Variants in FNDC5 observed in about 807,000 individuals in gnomAD.
FNDC5 encodes fibronectin type III domain containing 5.
A neutral mutation model predicts 24.6 loss-of-function variants in FNDC5; 10 were observed. That is an observed-to-expected ratio of 0.41 (90% CI 0.25 to 0.69). The LOEUF is 0.69. Among genes scored for constraint, FNDC5 ranks in the 30% least tolerant of loss-of-function variants. The pLI is 0.34. For missense variants in FNDC5, 226 were observed against 282.9 expected (o/e 0.80, Z 1.44); for synonymous variants, 90 against 110.7 (o/e 0.81, Z 1.18).
chr1:32,864,220 C>A lies in FNDC5; in HGVS notation c.*74G>T. 6.2e-7 allele frequency: 1 copy of A among 1,613,846 alleles called. No homozygotes were observed. The highest frequency in any genetic ancestry group is 8.5e-7 in the Non-Finnish European group (1 of 1,179,838). ...CAGATGTTTGTTGGATAATCATCAT[C>A]AGAACCATGAGATCCTCTCACATTC... On this transcript the variant is annotated 3_prime_UTR_variant, in exon 6 of 6. Transcript: ENST00000373471.
At chr1:32,870,037 A>T (rs1641147957) in intron 1 of FNDC5, among the ~76,000 whole-genome samples, 1 of 151,968 alleles carries the variant, frequency 6.6e-6, no homozygotes, top group Non-Finnish European at 1.5e-5. Flanking sequence ...GCTGCGAGAG[A>T]GCGCTCCCCG....
intron 4 of FNDC5, among the ~76,000 whole-genome samples, chr1:32,866,444 T>C (rs1490893916): frequency 6.6e-6 from 1 of 152,208 alleles, no homozygotes; most frequent in Non-Finnish European, 1.5e-5. Context: ...CCCCACGTTC[T>C]ACCTTCTTTC....
Position 32,864,132 on chromosome 1 carries a change from G to C in FNDC5, c.*162C>G. ...TTAATAAGAGGCTTCAGGAAAGTGC[G>C]CCAGAGAGAGGACAGTAAGCCAGAG... On this transcript the variant is annotated 3_prime_UTR_variant, in exon 6 of 6. Transcript: ENST00000373471. 6.5e-7 allele frequency: 1 copy of C among 1,540,816 alleles called. No homozygotes were observed. Among genetic ancestry groups the C allele is most frequent in the Non-Finnish European group, 8.7e-7 (1 of 1,144,688 alleles).
At position 32,870,831 on chromosome 1, in the gene FNDC5, C is replaced by CG. The variant is rs1641170100; in HGVS notation, c.-86_-85insC. 2 of 416,790 alleles carry CG rather than the reference C, an allele frequency of 4.8e-6. No homozygotes were observed. The highest frequency in any genetic ancestry group is 4.4e-5 in the African/African-American group (2 of 45,044). The allele number at this position is 416,790 out of a possible 1,614,324, so 25.8% of individuals were successfully genotyped here. A position where few individuals can be genotyped will look rare whatever the true frequency, so the allele number is the denominator to read the frequency against. On this transcript the variant is annotated 5_prime_UTR_variant, in exon 1 of 6. Transcript: ENST00000373471. ...GCGGCCGCTCGCGCTCGCGCTCCGG[C>CG]CCCCGGCCCGGCCGGCCCGGCCGCT... is the stretch of plus-strand genomic sequence containing the variant.
upstream of FNDC5, among the ~76,000 whole-genome samples, chr1:32,872,125 G>A (rs1004000578): frequency 2.0e-5 from 3 of 152,228 alleles, no homozygotes; most frequent in Non-Finnish European, 4.4e-5. Context: ...CATTAAGGAA[G>A]TGAGGTCTAC....
At chr1:32,871,991 C>A (rs757704807), upstream of FNDC5, among the ~76,000 whole-genome samples, 28 of 152,172 alleles carry the variant, frequency 1.8e-4, no homozygotes, top group Admixed American at 3.9e-4. Context: ...GCGGGGCATT[C>A]CTTTGGGTCT....
Position 32,868,477 on chromosome 1 carries a change from C to T in FNDC5, c.211-89G>A. On this transcript the variant is annotated intron_variant, in intron 2 of 5. Coordinates refer to ENST00000373471, the MANE Select transcript of FNDC5 (RefSeq NM_153756.3). The surrounding 1 kb of genome is among the most constrained non-coding windows in gnomAD (Gnocchi z 4.8). The stretch of plus-strand genomic sequence containing the variant: ...CCAGTGGTGACAAAGCCTTTACATA[C>T]ACAATCTTCATCATTCCATCACCTC... 2 of 1,321,582 alleles carry T rather than the reference C, an allele frequency of 1.5e-6. No homozygotes were observed. The highest frequency in any genetic ancestry group is 2.7e-5 in the South Asian group (2 of 72,850). The allele number at this position is 1,321,582 out of a possible 1,614,324, so 81.9% of individuals were successfully genotyped here.
Position 32,864,817 on chromosome 1 carries a change from C to T in FNDC5, c.500-20G>A, listed in dbSNP as rs200302649. 16 of 1,613,220 alleles carry T rather than the reference C, an allele frequency of 9.9e-6. No homozygotes were observed. In the Admixed American group the frequency reaches 1.3e-4, roughly 13 times the overall value. ...TGACACCTGAGGGGGGACAAGTGAG[C>T]AGTCAGAGGCCAGAGCCTGGGTTCC... On this transcript the variant is annotated intron_variant, in intron 4 of 5. Transcript: ENST00000373471.
chr1:32,863,808 G>A lies in FNDC5; in HGVS notation c.*486C>T. ...GGAAAAAAATGAGAGAAGCAGCCAG[G>A]CCTAATTGTGAATAGCCTTCTTGCA... On this transcript the variant is annotated 3_prime_UTR_variant, in exon 6 of 6. Coordinates refer to ENST00000373471, the MANE Select transcript of FNDC5 (RefSeq NM_153756.3). 1 of 1,304,848 alleles carries A rather than the reference G, an allele frequency of 7.7e-7. No individual in the cohort carries two copies. Among genetic ancestry groups the A allele is most frequent in the East Asian group, 5.5e-5 (1 of 18,042 alleles). The allele number at this position is 1,304,848 out of a possible 1,614,324, so 80.8% of individuals were successfully genotyped here.
chr1:32,869,682 T>A (rs1043483951), intron 1 of FNDC5, among the ~76,000 whole-genome samples: 15 of 148,768 alleles, frequency 1.0e-4, no homozygotes, highest in African/African-American at 3.7e-4. Context: ...AGAGAACAGG[T>A]AGGGGAAGAG....
intron 4 of FNDC5, among the ~76,000 whole-genome samples, chr1:32,866,071 T>C (rs12074852): frequency 0.028 from 4,229 of 152,312 alleles, 193 homozygotes; most frequent in African/African-American, 0.096. Flanking sequence ...ATTTTAGAAG[T>C]CTGTTGACTT....
Position 32,869,006 on chromosome 1 carries a change from C to A in FNDC5, c.95-9G>T, listed in dbSNP as rs549205344. 12 of 1,228,356 alleles carry A rather than the reference C, an allele frequency of 9.8e-6. No individual in the cohort carries two copies. The Admixed American group carries it at 4.6e-4, about 47-fold the overall frequency. 76.1% of individuals were successfully genotyped at this position (1,228,356 alleles called of 1,614,324 possible). A position where few individuals can be genotyped will look rare whatever the true frequency, so the allele number is the denominator to read the frequency against. On this transcript the variant is annotated splice_polypyrimidine_tract_variant and intron_variant, in intron 1 of 5. Transcript: ENST00000373471. ...TGGGGCTGAGGGACTGTCTGGGGGA[C>A]GGGGAGGCACCTAAGCCTGAGCATC...
chr1:32,864,211 A>G lies in FNDC5; in HGVS notation c.*83T>C. On this transcript the variant is annotated 3_prime_UTR_variant, in exon 6 of 6. Coordinates refer to ENST00000373471, the MANE Select transcript of FNDC5 (RefSeq NM_153756.3). Reference sequence around the variant, plus strand: ...AGAGAGGGCCAGATGTTTGTTGGATAATCATCATCAGAACCATGAGATCCT... The same window carrying G: ...AGAGAGGGCCAGATGTTTGTTGGATGATCATCATCAGAACCATGAGATCCT... The G allele has an allele frequency of 1.2e-6, 2 of 1,613,538 alleles. No individual in the cohort carries two copies. The highest frequency in any genetic ancestry group is 1.7e-6 in the Non-Finnish European group (2 of 1,179,664).
At position 32,868,329 on chromosome 1, in the gene FNDC5, A is replaced by T; in HGVS notation, c.270T>A (p.Cys90Ter). Reference sequence around the variant, plus strand: ...TATCCTCCTCCAGGTCCCAGAGGGCACATGAGCGGGTGGTGGTGTTCACCT... The same window carrying T: ...TATCCTCCTCCAGGTCCCAGAGGGCTCATGAGCGGGTGGTGGTGTTCACCT... Residue 90 changes from cysteine (C) to a stop codon, truncating the protein, a stop_gained, in exon 3 of 6, where the codon TGT (cysteine) becomes TGA (stop). Transcript: ENST00000373471. LOFTEE classifies it high-confidence loss of function. The surrounding 1 kb of genome is among the most constrained non-coding windows in gnomAD (Gnocchi z 4.8). 1 of 1,614,178 alleles carries T rather than the reference A, an allele frequency of 6.2e-7. No homozygotes were observed. The highest frequency in any genetic ancestry group is 1.3e-5 in the African/African-American group (1 of 75,058).
At chr1:32,864,596 C>A in intron 5 of FNDC5, 68 bp downstream of exon 5, 1 of 1,608,580 alleles carries the variant, frequency 6.2e-7, no homozygotes, top group South Asian at 1.1e-5. Context: ...CTGACCCCCT[C>A]TGCAGTCCAG....
In FNDC5 at chr1:32,863,865, G is replaced by A; in HGVS notation, c.*429C>T. On this transcript the variant is annotated 3_prime_UTR_variant, in exon 6 of 6. Transcript: ENST00000373471. ...GAAACAGGACAGAAGAAGGAAGGGA[G>A]CAGCAGCAGGGCTGTAGCCTAAATA... 7.6e-7 allele frequency: 1 copy of A among 1,307,782 alleles called. No individual in the cohort carries two copies. The highest frequency in any genetic ancestry group is 1.0e-6 in the Non-Finnish European group (1 of 991,448). The allele number at this position is 1,307,782 out of a possible 1,614,324, so 81.0% of individuals were successfully genotyped here.
At chr1:32,871,135 C>T (rs1459312186), upstream of FNDC5, among the ~76,000 whole-genome samples, 3 of 151,838 alleles carry the variant, frequency 2.0e-5, no homozygotes, top group Non-Finnish European at 2.9e-5. Context: ...TCCGCGCCCC[C>T]GCCGCGGTCA....
At position 32,864,087 on chromosome 1, in the gene FNDC5, G is replaced by C; in HGVS notation, c.*207C>G. On this transcript the variant is annotated 3_prime_UTR_variant, in exon 6 of 6. Coordinates refer to ENST00000373471, the MANE Select transcript of FNDC5 (RefSeq NM_153756.3). The stretch of plus-strand genomic sequence containing the variant: ...CAGCCTCAGCCACTGACATTGTTGA[G>C]GTGCTTCTGGAGATGGGAGTTAATA... 1 of 1,489,726 alleles carries C rather than the reference G, an allele frequency of 6.7e-7. No individual in the cohort carries two copies. The highest frequency in any genetic ancestry group is 2.2e-5 in the Admixed American group (1 of 45,852). 92.3% of individuals were successfully genotyped at this position (1,489,726 alleles called of 1,614,324 possible). A position where few individuals can be genotyped will look rare whatever the true frequency, so the allele number is the denominator to read the frequency against.
At position 32,870,722 on chromosome 1, in the gene FNDC5, A is replaced by C; in HGVS notation, c.25T>G (p.Trp9Gly). 8.5e-7 allele frequency: 1 copy of C among 1,176,366 alleles called. No homozygotes were observed. The highest frequency in any genetic ancestry group is 3.7e-5 in the East Asian group (1 of 26,948). The allele number at this position is 1,176,366 out of a possible 1,614,324, so 72.9% of individuals were successfully genotyped here. ...AGCGCGGCGCGGGCGCGGGGCGGCC[A>C]GGCGCTCGGCGACCCGGGGTGTATG... The change falls in exon 1 of 6, where the codon TGG (tryptophan) becomes GGG (glycine). Residue 9 changes from tryptophan (W) to glycine (G), a missense_variant. Coordinates refer to ENST00000373471, the MANE Select transcript of FNDC5 (RefSeq NM_153756.3).
Sources: allele counts gnomAD v4.1 joint callset (sites outside exome capture counted in the v4.1 genomes callset), GRCh38; gene constraint gnomAD v4.1.1; non-coding constraint Gnocchi (gnomAD v3.1); transcripts MANE v1.5; gene names NCBI Gene and HGNC (gene_info 2026-07-23, HGNC 2026-07-21).